The following XCR1 variants were observed in gnomAD, a reference collection of about 807,000 sequenced individuals.
The protein encoded by XCR1 is chemokine XC receptor 1.
For missense variants in XCR1, 356 were observed against 424.2 expected (o/e 0.84, Z 1.41); for synonymous variants, 187 against 188.5 (o/e 0.99, Z 0.06).
intron 5 of XCR1, among the ~76,000 whole-genome samples, chr3:46,040,959 T>C (rs1170320560): frequency 6.6e-6 from 1 of 152,230 alleles, no homozygotes. Flanking sequence ...TAAAATATTT[T>C]TTATGGCTTT....
chr3:46,025,450 T>G (rs1461439934), intron 1 of XCR1, among the ~76,000 whole-genome samples: 1 of 151,966 alleles, frequency 6.6e-6, no homozygotes, highest in Non-Finnish European at 1.5e-5. Context: ...GACCAAAAAA[T>G]TGATGAAGCC....
At chr3:46,074,481 G>A (rs1471845724) in intron 3 of XCR1, among the ~76,000 whole-genome samples, 1 of 151,998 alleles carries the variant, frequency 6.6e-6, no homozygotes, top group African/African-American at 2.4e-5. Context: ...AGGTAGTGGT[G>A]GGGGGTGAAG....
intron 3 of XCR1, among the ~76,000 whole-genome samples, chr3:46,074,102 A>C (rs1287024044): frequency 1.3e-5 from 2 of 152,096 alleles, no homozygotes; most frequent in African/African-American, 4.8e-5. Context: ...GAAAATAGTT[A>C]TATCAGAGAT....
At chr3:46,066,737 G>T (rs1157567771) in intron 4 of XCR1, among the ~76,000 whole-genome samples, 3 of 152,208 alleles carry the variant, frequency 2.0e-5, no homozygotes, top group Non-Finnish European at 4.4e-5. Flanking sequence ...TAATTCCATG[G>T]GTCTGGAGTT....
At chr3:46,057,034 C>G (rs34718164) in intron 4 of XCR1, among the ~76,000 whole-genome samples, 13,735 of 152,206 alleles carry the variant, frequency 0.09, 1,004 homozygotes, top group South Asian at 0.34. Flanking sequence ...TAAAAAGAAA[C>G]AGATTCATCA....
intron 5 of XCR1, among the ~76,000 whole-genome samples, chr3:46,051,754 C>T (rs1000168280): frequency 6.6e-6 from 1 of 152,154 alleles, no homozygotes; most frequent in Non-Finnish European, 1.5e-5. Flanking sequence ...TGGCTGGGAG[C>T]GGTGGCTCAC....
chr3:46,063,468 C>A (rs1698004924), intron 4 of XCR1, among the ~76,000 whole-genome samples: 1 of 152,196 alleles, frequency 6.6e-6, no homozygotes, highest in African/African-American at 2.4e-5. Flanking sequence ...CCCCCGACCC[C>A]TGAGTTCCCC....
intron 5 of XCR1, among the ~76,000 whole-genome samples, chr3:46,053,589 G>A (rs1040939208): frequency 1.1e-4 from 17 of 151,738 alleles, no homozygotes. Flanking sequence ...AGTACAGTAC[G>A]AACTAAACTC....
At chr3:46,035,326 G>A (rs966794131) in intron 5 of XCR1, among the ~76,000 whole-genome samples, 5 of 152,152 alleles carry the variant, frequency 3.3e-5, no homozygotes, top group African/African-American at 9.7e-5. Context: ...AGTCAGTCAG[G>A]GAGATGGATT....
intron 5 of XCR1, among the ~76,000 whole-genome samples, chr3:46,044,237 T>C (rs567632733): frequency 2.7e-4 from 41 of 152,316 alleles, no homozygotes; most frequent in African/African-American, 9.4e-4. Context: ...TCTGCTCTCT[T>C]TGGCCTCCCA....
At chr3:46,085,820 G>C (rs930045879) in exon 1 of XCR1, among the ~76,000 whole-genome samples, 2 of 152,164 alleles carry the variant, frequency 1.3e-5, no homozygotes, top group African/African-American at 4.8e-5. Context: ...TGTGACAGCA[G>C]CATCTGGGAG....
intron 4 of XCR1, among the ~76,000 whole-genome samples, chr3:46,059,985 G>T (rs760570972): frequency 4.6e-5 from 7 of 152,176 alleles, no homozygotes; most frequent in Non-Finnish European, 1.0e-4. Flanking sequence ...TTAAATACTA[G>T]GACGTAAAGT....
At chr3:46,028,178 C>CT (rs142599973), upstream of XCR1, among the ~76,000 whole-genome samples, 10,003 of 152,210 alleles carry the variant, frequency 0.066, 512 homozygotes, top group East Asian at 0.25. Flanking sequence ...TCTCCAGTGT[C>CT]TGTGTGCCTT....
chr3:46,051,140 C>T (rs978256858), intron 5 of XCR1, among the ~76,000 whole-genome samples: 2 of 152,208 alleles, frequency 1.3e-5, no homozygotes, highest in African/African-American at 4.8e-5. Flanking sequence ...GACGCTCTAG[C>T]TGCTTTTCTA....
chr3:46,039,869 C>G (rs1194111759), intron 5 of XCR1, among the ~76,000 whole-genome samples: 1 of 152,008 alleles, frequency 6.6e-6, no homozygotes, highest in Non-Finnish European at 1.5e-5. Context: ...AGTGTCTGGG[C>G]CAGTGTGTCA....
chr3:46,028,784 G>A (rs905336048), upstream of XCR1, among the ~76,000 whole-genome samples: 3 of 151,954 alleles, frequency 2.0e-5, no homozygotes, highest in African/African-American at 7.3e-5. Flanking sequence ...TAGAGACAGG[G>A]TCTCACTATA....
At chr3:46,053,178 C>T (rs576789258) in intron 5 of XCR1, among the ~76,000 whole-genome samples, 32 of 152,306 alleles carry the variant, frequency 2.1e-4, no homozygotes, top group African/African-American at 4.1e-4. Flanking sequence ...GCACCAAACA[C>T]AGATTCTAGC....
intron 5 of XCR1, among the ~76,000 whole-genome samples, chr3:46,033,096 G>GTT (rs35467633): frequency 1.1e-4 from 16 of 150,922 alleles, no homozygotes; most frequent in African/African-American, 3.2e-4. Flanking sequence ...TTTTAACAAG[G>GTT]TTTTTTTTTG....
At chr3:46,041,780 C>T (rs1447477963) in intron 5 of XCR1, among the ~76,000 whole-genome samples, 1 of 152,176 alleles carries the variant, frequency 6.6e-6, no homozygotes, top group Non-Finnish European at 1.5e-5. Flanking sequence ...TGAAGCTCAC[C>T]AGATCATAGT....
Sources: allele counts gnomAD v4.1 joint callset (sites outside exome capture counted in the v4.1 genomes callset), GRCh38; gene constraint gnomAD v4.1.1; transcripts MANE v1.5; gene names NCBI Gene and HGNC (gene_info 2026-07-23, HGNC 2026-07-21).